BPTF: variants seen among roughly 807,000 people sequenced by gnomAD.
BPTF encodes nucleosome-remodeling factor subunit BPTF.
BPTF carries 18 observed loss-of-function variants against 292.5 expected under a neutral mutation model. The ratio of observed to expected loss-of-function variants is 0.06; its 90% CI spans 0.04 to 0.09. BPTF has a LOEUF of 0.09. Among genes scored for constraint, BPTF ranks in the 10% least tolerant of loss-of-function variants. The pLI, the probability that BPTF is intolerant of heterozygous loss-of-function variation, is 1.00. For missense variants in BPTF, 2,726 were observed against 3,498.7 expected (o/e 0.78, Z 5.57); for synonymous variants, 1,225 against 1,251.9 (o/e 0.98, Z 0.45).
chr17:67,852,986 A>C (rs1244165861), intron 1 of BPTF, among the ~76,000 whole-genome samples: 2 of 152,048 alleles, frequency 1.3e-5, no homozygotes, highest in South Asian at 2.1e-4. Context: ...AAAATACAAA[A>C]ATTAGCTGGG....
intron 1 of BPTF, among the ~76,000 whole-genome samples, chr17:67,845,190 A>T (rs2057942664): frequency 6.6e-6 from 1 of 152,190 alleles, no homozygotes; most frequent in Non-Finnish European, 1.5e-5. Flanking sequence ...TAAAGGTGAC[A>T]TGTGCTAGAA....
At chr17:67,880,047 CT>C (rs1360084593) in intron 4 of BPTF, among the ~76,000 whole-genome samples, 1 of 152,024 alleles carries the variant, frequency 6.6e-6, no homozygotes, top group African/African-American at 2.4e-5. Context: ...CTTTAATCGC[CT>C]TTTTTTAAGG....
intron 27 of BPTF, among the ~76,000 whole-genome samples, chr17:67,980,502 T>G (rs1198097417): frequency 6.6e-6 from 1 of 152,244 alleles, no homozygotes; most frequent in Non-Finnish European, 1.5e-5. Context: ...ATTCCTCTGG[T>G]TCAGTTTCTA....
At chr17:67,954,014 C>T (rs1368435153) in intron 23 of BPTF, among the ~76,000 whole-genome samples, 1 of 100,046 alleles carries the variant, frequency 1.0e-5, no homozygotes, top group Non-Finnish European at 1.8e-5. Context: ...AGAAGCAGGG[C>T]CTTGTTCTGT....
intron 25 of BPTF, chr17:67,964,888 A>G (rs1453566959): frequency 1.4e-5 from 2 of 146,962 alleles, no homozygotes; most frequent in Non-Finnish European, 3.0e-5. Flanking sequence ...AGTCCTAGCT[A>G]CTCCGGAGGT....
At chr17:67,842,255 C>T (rs947418374) in intron 1 of BPTF, among the ~76,000 whole-genome samples, 1 of 152,056 alleles carries the variant, frequency 6.6e-6, no homozygotes, top group African/African-American at 2.4e-5. Flanking sequence ...AGATATATAT[C>T]TACATACATA....
chr17:67,943,893 A>G (rs2065592192), intron 19 of BPTF, among the ~76,000 whole-genome samples: 1 of 152,156 alleles, frequency 6.6e-6, no homozygotes, highest in Admixed American at 6.5e-5. Context: ...TTGGATCTGG[A>G]GGAACAGTGT....
chr17:67,911,904 G>A lies in BPTF; in HGVS notation c.4020G>A (p.Glu1340=). Residue 1340 remains glutamate (E), a synonymous_variant, in exon 11 of 28, where the codon GAG becomes GAA. Transcript: ENST00000306378. ...EPLKCELVSG[E]STGNCEDRLP... ...TAAAGTGTGAGTTGGTTTCTGGTGA[G>A]TCCACTGGAAACTGTGAGGACAGGC... The A allele has an allele frequency of 2.5e-6, 4 of 1,614,030 alleles. No individual in the cohort carries two copies. Among genetic ancestry groups the A allele is most frequent in the Non-Finnish European group, 3.4e-6 (4 of 1,180,014 alleles).
chr17:67,894,154 A>G lies in BPTF; in HGVS notation c.2532A>G (p.Leu844=). 1 of 1,614,004 alleles carries G rather than the reference A, an allele frequency of 6.2e-7. No homozygotes were observed. The highest frequency in any genetic ancestry group is 8.5e-7 in the Non-Finnish European group (1 of 1,179,860). ...TGCTACCAATATGGCGAGAATCTTTAGGACATACCAGGTAAATGAATTCTG... is the reference window on the plus strand; with the variant it reads ...TGCTACCAATATGGCGAGAATCTTTGGGACATACCAGGTAAATGAATTCTG... ...VVMLPIWRES[L]GHTRLHRMTS... is the part of the protein sequence containing the mutation. Residue 844 remains leucine, a synonymous_variant, in exon 7 of 28, where the codon TTA becomes TTG. Transcript: ENST00000306378.
intron 1 of BPTF, among the ~76,000 whole-genome samples, chr17:67,844,490 G>A (rs574765041): frequency 1.1e-4 from 17 of 150,538 alleles, no homozygotes; most frequent in Admixed American, 2.6e-4. Context: ...CTCGTGATCC[G>A]CCCGCCTTGG....
intron 4 of BPTF, among the ~76,000 whole-genome samples, chr17:67,885,843 A>C (rs3935969): frequency 2.0e-5 from 3 of 151,864 alleles, no homozygotes; most frequent in Admixed American, 2.0e-4. Context: ...TGGGGTATCC[A>C]AAAAATTGTC....
chr17:67,963,457 A>G lies in BPTF; in HGVS notation c.8262-755A>G, dbSNP rs781814289. On this transcript the variant is annotated intron_variant, in intron 24 of 27. Coordinates refer to ENST00000306378, the MANE Select transcript of BPTF (RefSeq NM_182641.4). ...TGATTGTAAACGGGCACAAGAGGGC[A>G]GCAGTGAGGAATTGTACTGTATCTG... is the stretch of plus-strand genomic sequence containing the variant. 40 of 1,536,176 alleles carry G rather than the reference A, an allele frequency of 2.6e-5. No homozygotes were observed. The South Asian group carries it at 4.6e-4, about 18-fold the overall frequency.
At chr17:67,875,167 A>G in intron 4 of BPTF, 147 bp downstream of exon 4, 1 of 686,582 alleles carries the variant, frequency 1.5e-6, no homozygotes, top group Non-Finnish European at 2.5e-6. Flanking sequence ...CCCCTCTTAT[A>G]ACGTGTGTAA....
chr17:67,945,303 A>G (rs2147932785), intron 20 of BPTF, 106 bp from the exon 21 acceptor site: 1 of 1,512,974 alleles, frequency 6.6e-7, no homozygotes, highest in Non-Finnish European at 8.8e-7. Flanking sequence ...GTGAGCCACC[A>G]CGCCTGGCCA....
At chr17:67,826,580 T>TCC (rs11414914) in intron 1 of BPTF, among the ~76,000 whole-genome samples, 292 of 137,412 alleles carry the variant, frequency 2.1e-3, no homozygotes, top group African/African-American at 2.7e-3. Flanking sequence ...TCGCTCTCTC[T>TCC]CCCCCCCCCA....
chr17:67,916,844 A>G (rs8072225), intron 11 of BPTF, among the ~76,000 whole-genome samples: 52,720 of 150,678 alleles, frequency 0.35, 11,987 homozygotes, highest in East Asian at 0.68. Flanking sequence ...CTCTGTTAGA[A>G]GAGGAAATTA....
At chr17:67,836,285 G>A (rs527366649) in intron 1 of BPTF, among the ~76,000 whole-genome samples, 2 of 152,228 alleles carry the variant, frequency 1.3e-5, no homozygotes, top group Non-Finnish European at 2.9e-5. Context: ...CTTGGGAAAC[G>A]GCATGGCCAT....
At chr17:67,981,488 G>A (rs1170772911) in intron 27 of BPTF, 1 of 1,212,130 alleles carries the variant, frequency 8.2e-7, no homozygotes, top group Non-Finnish European at 1.0e-6. Context: ...TGGATGTTGG[G>A]GTCACTCTTT....
At chr17:67,855,466 G>A (rs1348284170) in intron 2 of BPTF, among the ~76,000 whole-genome samples, 1 of 152,178 alleles carries the variant, frequency 6.6e-6, no homozygotes, top group East Asian at 1.9e-4. Flanking sequence ...AAATGGAACA[G>A]CAAGAAAATA....
Sources: gnomAD v4.1 joint callset for allele counts (sites outside exome capture counted in the v4.1 genomes callset) on GRCh38, gnomAD v4.1.1 for gene constraint, MANE v1.5 for transcripts, NCBI Gene and HGNC (gene_info 2026-07-23, HGNC 2026-07-21) for gene names.